LOXL2: variants seen among roughly 807,000 people sequenced by gnomAD.
The protein encoded by LOXL2 is lysyl oxidase like 2.
LOXL2 carries 70 observed loss-of-function variants against 93.0 expected under a neutral mutation model. That is an observed-to-expected ratio of 0.75 (90% confidence interval 0.62 to 0.92). LOXL2 has a LOEUF of 0.92. Ranked by LOEUF, LOXL2 falls within the 40% of genes least tolerant of loss-of-function variation. LOXL2 has a pLI of 0.00. For synonymous variants in LOXL2, 438 were observed against 413.2 expected (o/e 1.06, Z -0.73); for missense variants, 973 against 1,054.9 (o/e 0.92, Z 1.08).
chr8:23,359,428 G>A (rs551321700), intron 3 of LOXL2, among the ~76,000 whole-genome samples: 2 of 152,232 alleles, frequency 1.3e-5, no homozygotes, highest in African/African-American at 4.8e-5. Flanking sequence ...ACCATGTCCT[G>A]AGGCCACTCA....
At chr8:23,340,377 T>C (rs566557891) in intron 4 of LOXL2, among the ~76,000 whole-genome samples, 1 of 152,236 alleles carries the variant, frequency 6.6e-6, no homozygotes, top group South Asian at 2.1e-4. Context: ...GGTGCTGGAA[T>C]CCTTCCACTG....
intron 1 of LOXL2, among the ~76,000 whole-genome samples, chr8:23,390,083 G>T (rs1031377641): frequency 5.3e-5 from 8 of 152,292 alleles, no homozygotes; most frequent in African/African-American, 1.7e-4. Context: ...GGGGTCAGGG[G>T]CTAGGGTGGG....
chr8:23,403,367 G>GGCGCTCCC (rs1389497426), intron 1 of LOXL2, among the ~76,000 whole-genome samples: 2 of 152,118 alleles, frequency 1.3e-5, no homozygotes, highest in African/African-American at 4.8e-5. Context: ...CAGGACTCAC[G>GGCGCTCCC]GCGCTCCCGC....
chr8:23,331,101 C>T (rs1242468365), intron 5 of LOXL2, among the ~76,000 whole-genome samples: 1 of 152,206 alleles, frequency 6.6e-6, no homozygotes, highest in Non-Finnish European at 1.5e-5. Context: ...TGTGGTTTAT[C>T]CGGCTCTTGT....
intron 9 of LOXL2, among the ~76,000 whole-genome samples, chr8:23,311,850 G>A (rs1329352384): frequency 1.3e-5 from 2 of 152,178 alleles, no homozygotes; most frequent in African/African-American, 2.4e-5. Flanking sequence ...GAATTGTAAC[G>A]GGAGGAACCT....
intron 3 of LOXL2, among the ~76,000 whole-genome samples, chr8:23,350,406 C>A (rs1167791881): frequency 2.0e-5 from 3 of 151,992 alleles, no homozygotes; most frequent in African/African-American, 7.2e-5. Context: ...TGGGGCTCTA[C>A]TAAAAATACA....
chr8:23,373,891 G>A (rs901640413), intron 1 of LOXL2, among the ~76,000 whole-genome samples: 3 of 150,766 alleles, frequency 2.0e-5, no homozygotes, highest in African/African-American at 7.3e-5. Flanking sequence ...AAGGGCTTCA[G>A]AGACTTCCAG....
intron 12 of LOXL2, among the ~76,000 whole-genome samples, chr8:23,299,860 G>C (rs944186866): frequency 6.6e-6 from 1 of 152,248 alleles, no homozygotes; most frequent in African/African-American, 2.4e-5. Flanking sequence ...TGCCCAAAGA[G>C]GTGCTGTGGG....
intron 10 of LOXL2, among the ~76,000 whole-genome samples, chr8:23,307,003 C>G (rs1485773796): frequency 1.3e-5 from 2 of 152,210 alleles, no homozygotes; most frequent in Admixed American, 1.3e-4. Flanking sequence ...CAAGGGCTTT[C>G]AAAGAACAGA....
intron 2 of LOXL2, among the ~76,000 whole-genome samples, chr8:23,367,633 AG>A (rs113392616): frequency 0.051 from 7,566 of 148,908 alleles, 203 homozygotes; most frequent in Admixed American, 0.085. Flanking sequence ...CGCAGCCCCC[AG>A]GCAGGGCATA....
rs372421620 is a variant in LOXL2, at chr8:23,311,269, C to T, written c.1637-1358G>A. Among the ~76,000 whole-genome samples the T allele has an allele frequency of 1.3e-3, 195 of 152,198 alleles. 6 individuals carry two copies. The South Asian group carries it at 0.037, about 29-fold the overall frequency. ...GCATCCTCTAGAGAGCAGATCCACTCGCAAGAATTGGGTGTGGAACCAAAG... is the reference window on the plus strand; with the variant it reads ...GCATCCTCTAGAGAGCAGATCCACTTGCAAGAATTGGGTGTGGAACCAAAG... On this transcript the variant is annotated intron_variant, in intron 9 of 13. Coordinates refer to ENST00000389131, the MANE Select transcript of LOXL2 (RefSeq NM_002318.3).
chr8:23,306,821 G>A (rs576226971), intron 10 of LOXL2, among the ~76,000 whole-genome samples: 35 of 152,362 alleles, frequency 2.3e-4, no homozygotes, highest in South Asian at 8.3e-4. Context: ...CTGTCAGAGC[G>A]TGGCACATCG....
intron 7 of LOXL2, among the ~76,000 whole-genome samples, chr8:23,321,011 A>G (rs184722311): frequency 1.3e-5 from 2 of 152,316 alleles, no homozygotes; most frequent in Admixed American, 1.3e-4. Flanking sequence ...CAGAGGAGCA[A>G]TTCTTGACAT....
At chr8:23,334,247 C>T in intron 4 of LOXL2, among the ~76,000 whole-genome samples, 1 of 152,176 alleles carries the variant, frequency 6.6e-6, no homozygotes, top group East Asian at 1.9e-4. Context: ...CCATGTTGGC[C>T]AGGATGGTCT....
intron 3 of LOXL2, among the ~76,000 whole-genome samples, chr8:23,343,798 C>T (rs1452154840): frequency 6.6e-6 from 1 of 152,204 alleles, no homozygotes; most frequent in African/African-American, 2.4e-5. Context: ...GCCACCAAGA[C>T]ACGTGGACAG....
At position 23,297,848 on chromosome 8, in the gene LOXL2, G is replaced by T; in HGVS notation, c.*195C>A. ...CGCAAGGCCTTCTCAGGCCCCAAGGGTCAGGTAGCAGCCCCCCATGAATGA... is the reference window on the plus strand; with the variant it reads ...CGCAAGGCCTTCTCAGGCCCCAAGGTTCAGGTAGCAGCCCCCCATGAATGA... On this transcript the variant is annotated 3_prime_UTR_variant, in exon 14 of 14. Coordinates refer to ENST00000389131, the MANE Select transcript of LOXL2 (RefSeq NM_002318.3). 1.8e-6 allele frequency: 1 copy of T among 557,282 alleles called. No individual in the cohort carries two copies. The highest frequency in any genetic ancestry group is 3.2e-6 in the Non-Finnish European group (1 of 312,618). The allele number at this position is 557,282 out of a possible 1,614,324, so 34.5% of individuals were successfully genotyped here. A position where few individuals can be genotyped will look rare whatever the true frequency, so the allele number is the denominator to read the frequency against.
intron 3 of LOXL2, among the ~76,000 whole-genome samples, chr8:23,354,126 A>G (rs1804143507): frequency 6.6e-6 from 1 of 152,188 alleles, no homozygotes. Context: ...AGTAGGATGA[A>G]TTTGGTCTAG....
chr8:23,332,703 C>G, intron 5 of LOXL2, among the ~76,000 whole-genome samples: 1 of 82,904 alleles, frequency 1.2e-5, no homozygotes, highest in Non-Finnish European at 2.3e-5. Context: ...CCCACACACT[C>G]ATACACATGC....
chr8:23,347,197 A>T (rs1377650993), intron 3 of LOXL2, among the ~76,000 whole-genome samples: 1 of 110,098 alleles, frequency 9.1e-6, no homozygotes, highest in African/African-American at 4.1e-5. Context: ...ACACACACAC[A>T]CACACACACA....
Sources: allele counts gnomAD v4.1 joint callset (sites outside exome capture counted in the v4.1 genomes callset), GRCh38; gene constraint gnomAD v4.1.1; transcripts MANE v1.5; gene names NCBI Gene and HGNC (gene_info 2026-07-23, HGNC 2026-07-21).